The following PPP2R5D variants were observed in gnomAD, a reference collection of about 807,000 sequenced individuals.
PPP2R5D encodes protein phosphatase 2 regulatory subunit B'delta.
Under a neutral mutation model 79.1 loss-of-function variants are expected in PPP2R5D, and 12 were observed. The observed-to-expected ratio is 0.15, with a 90% CI of 0.10 to 0.25. PPP2R5D has a LOEUF of 0.25. Ranked by LOEUF, PPP2R5D falls within the 10% of genes least tolerant of loss-of-function variation. The probability of loss-of-function intolerance (pLI) is 1.00; values close to 1 mark genes in which losing one functional copy is unlikely to be tolerated. For missense variants in PPP2R5D, 419 were observed against 760.2 expected (o/e 0.55, Z 5.28); for synonymous variants, 277 against 286.6 (o/e 0.97, Z 0.34).
rs746587804 is a variant in PPP2R5D, at chr6:43,009,209, C to G, written c.1233C>G (p.Val411=). 2.5e-6 allele frequency: 4 copies of G among 1,614,154 alleles called. No individual in the cohort carries two copies. The highest frequency in any genetic ancestry group is 3.4e-6 in the Non-Finnish European group (4 of 1,180,026). Residue 411 remains valine (V), a synonymous_variant, in exon 11 of 16, where the codon GTC becomes GTG. Coordinates refer to ENST00000485511, the MANE Select transcript of PPP2R5D (RefSeq NM_006245.4). The surrounding 1 kb of genome is among the most constrained non-coding windows in gnomAD (Gnocchi z 5.6). ...EPLFRQLAKC[V]SSPHFQVAER... ...TCTTCCGCCAGCTGGCCAAGTGTGT[C>G]TCTAGCCCCCATTTCCAGGTGAGAC...
chr6:42,993,165 C>A (rs1329092070), intron 2 of PPP2R5D, among the ~76,000 whole-genome samples: 1 of 152,006 alleles, frequency 6.6e-6, no homozygotes, highest in Non-Finnish European at 1.5e-5. Flanking sequence ...GGCGTGGTGG[C>A]ACATGCCTGT....
In PPP2R5D at chr6:43,009,597, A is replaced by T. The variant is rs1762250535; in HGVS notation, c.1379+148A>T. On this transcript the variant is annotated intron_variant, in intron 12 of 15. Coordinates refer to ENST00000485511, the MANE Select transcript of PPP2R5D (RefSeq NM_006245.4). The surrounding 1 kb of genome is among the most constrained non-coding windows in gnomAD (Gnocchi z 5.6). ...ATGTTGATAGGACCTTGAGGGGCTG[A>T]CTGGAGCGAAAAGATGCCTGTGTGC... The T allele has an allele frequency of 1.8e-5, 21 of 1,171,544 alleles. No individual in the cohort carries two copies. The highest frequency in any genetic ancestry group is 2.3e-5 in the Non-Finnish European group (19 of 833,572). 72.6% of individuals were successfully genotyped at this position (1,171,544 alleles called of 1,614,324 possible).
In PPP2R5D at chr6:43,011,166, G is replaced by A. The variant is rs1228218025; in HGVS notation, c.1689G>A (p.Lys563=). 2.5e-6 allele frequency: 4 copies of A among 1,614,160 alleles called. No homozygotes were observed. Among genetic ancestry groups the A allele is most frequent in the Non-Finnish European group, 3.4e-6 (4 of 1,180,010 alleles). The stretch of plus-strand genomic sequence containing the variant: ...ACACACAGATGCTAAAAGACATCAA[G>A]AAGGAGAAAGTGCTGCTGCGGAGGA... The part of the protein sequence containing the change: ...TEAVQMLKDI[K]KEKVLLRRKS... The change falls in exon 16 of 16, where the codon AAG becomes AAA. Residue 563 remains lysine, a synonymous_variant. Coordinates refer to ENST00000485511, the MANE Select transcript of PPP2R5D (RefSeq NM_006245.4).
In PPP2R5D at chr6:43,012,224, G is replaced by A. The variant is rs138349932; in HGVS notation, c.*938G>A. On this transcript the variant is annotated 3_prime_UTR_variant, in exon 16 of 16. Coordinates refer to ENST00000485511, the MANE Select transcript of PPP2R5D (RefSeq NM_006245.4). The stretch of plus-strand genomic sequence containing the variant: ...CAGGTTCCAGGGGCGCAGGCAGTGC[G>A]GCTTTTGGCTGTGTACATAGGGTGC... 1.0e-5 allele frequency: 12 copies of A among 1,180,768 alleles called. No homozygotes were observed. In the East Asian group the frequency reaches 2.4e-4, roughly 23 times the overall value. 73.1% of individuals were successfully genotyped at this position (1,180,768 alleles called of 1,614,324 possible).
chr6:42,984,581 G>T lies in PPP2R5D; in HGVS notation c.-97G>T. The T allele has an allele frequency of 1.4e-6, 2 of 1,469,916 alleles. No homozygotes were observed. The highest frequency in any genetic ancestry group is 1.8e-6 in the Non-Finnish European group (2 of 1,112,714). The allele number at this position is 1,469,916 out of a possible 1,614,324, so 91.1% of individuals were successfully genotyped here. A position where few individuals can be genotyped will look rare whatever the true frequency, so the allele number is the denominator to read the frequency against. ...CGCTCGACCCGGGCGCAGCGCGCAG[G>T]CGGTGGCGAAGAGACGCCGAGCGGG... On this transcript the variant is annotated 5_prime_UTR_variant, in exon 1 of 16. Transcript: ENST00000485511.
chr6:42,984,628 C>A lies in PPP2R5D; in HGVS notation c.-50C>A. The A allele has an allele frequency of 6.4e-7, 1 of 1,567,556 alleles. No individual in the cohort carries two copies. ...CGGGCCGAGTGCGGCCGAGCAAAGC[C>A]GGAGCCGGAGCGGGGCCGCAGGAGA... On this transcript the variant is annotated 5_prime_UTR_variant, in exon 1 of 16. Coordinates refer to ENST00000485511, the MANE Select transcript of PPP2R5D (RefSeq NM_006245.4).
At chr6:43,000,070 G>C (rs891049572) in intron 2 of PPP2R5D, among the ~76,000 whole-genome samples, 6 of 151,866 alleles carry the variant, frequency 4.0e-5, no homozygotes, top group Admixed American at 3.9e-4. Context: ...GGAATAGCTG[G>C]GATTACAGGC....
intron 2 of PPP2R5D, among the ~76,000 whole-genome samples, chr6:43,002,083 G>A (rs1772258606): frequency 6.6e-6 from 1 of 152,020 alleles, no homozygotes; most frequent in African/African-American, 2.4e-5. Flanking sequence ...CTAATAAGTG[G>A]CGAGCCAGGA....
chr6:43,002,781 C>A (rs1474332204), intron 2 of PPP2R5D, among the ~76,000 whole-genome samples: 1 of 152,180 alleles, frequency 6.6e-6, no homozygotes, highest in African/African-American at 2.4e-5. Flanking sequence ...CCTCCCCCAC[C>A]CCAGAGGATT....
chr6:43,009,564 TC>T lies in PPP2R5D; in HGVS notation c.1379+119del, dbSNP rs1762249959. On this transcript the variant is annotated intron_variant, in intron 12 of 15. Coordinates refer to ENST00000485511, the MANE Select transcript of PPP2R5D (RefSeq NM_006245.4). The surrounding 1 kb of genome is among the most constrained non-coding windows in gnomAD (Gnocchi z 5.6). ...AGTCACCCAGCAAGTGGGGCTGATG[TC>T]CCCTGCATGTTGATAGGACCTTGAG... 33 of 1,416,464 alleles carry T rather than the reference TC, an allele frequency of 2.3e-5. 1 individual carries two copies. The South Asian group carries it at 4.0e-4, about 17-fold the overall frequency. The allele number at this position is 1,416,464 out of a possible 1,614,324, so 87.7% of individuals were successfully genotyped here.
Position 43,012,056 on chromosome 6 carries a change from AGAAAG to A in PPP2R5D, c.*771_*775del, listed in dbSNP as rs1368656249. 2 of 347,612 alleles carry A rather than the reference AGAAAG, an allele frequency of 5.8e-6. No homozygotes were observed. Among genetic ancestry groups the A allele is most frequent in the African/African-American group, 4.4e-5 (2 of 45,088 alleles). 21.5% of individuals were successfully genotyped at this position (347,612 alleles called of 1,614,324 possible). On this transcript the variant is annotated 3_prime_UTR_variant, in exon 16 of 16. Coordinates refer to ENST00000485511, the MANE Select transcript of PPP2R5D (RefSeq NM_006245.4). Reference sequence around the variant, plus strand: ...TTCTGTGCTGTTGGTTCCCAAAACTAGAAAGAAGGAAGCAGGGAGCGGTGCCCCAA... The same window carrying A: ...TTCTGTGCTGTTGGTTCCCAAAACTAAAGGAAGCAGGGAGCGGTGCCCCAA...
Position 43,007,838 on chromosome 6 carries a change from G to A in PPP2R5D, c.727-97G>A. The A allele has an allele frequency of 6.7e-7, 1 of 1,491,524 alleles. No individual in the cohort carries two copies. Among genetic ancestry groups the A allele is most frequent in the East Asian group, 2.3e-5 (1 of 43,886 alleles). 92.4% of individuals were successfully genotyped at this position (1,491,524 alleles called of 1,614,324 possible). ...AGACTTGCTGGCCCCCACTCCAGGG[G>A]ACCTCTGCATTTCCCCTGGCGGGAC... On this transcript the variant is annotated intron_variant, in intron 6 of 15. Transcript: ENST00000485511. This position sits in a 1 kb window ranked among gnomAD's most constrained non-coding sequence, Gnocchi z 4.5.
chr6:43,008,178 G>A lies in PPP2R5D; in HGVS notation c.858-23G>A, dbSNP rs1160361623. 6.9e-7 allele frequency: 1 copy of A among 1,449,532 alleles called. No individual in the cohort carries two copies. Among genetic ancestry groups the A allele is most frequent in the African/African-American group, 1.6e-5 (1 of 61,924 alleles). 89.8% of individuals were successfully genotyped at this position (1,449,532 alleles called of 1,614,324 possible). On this transcript the variant is annotated intron_variant, in intron 7 of 15. Transcript: ENST00000485511. This position sits in a 1 kb window ranked among gnomAD's most constrained non-coding sequence, Gnocchi z 4.2. Reference sequence around the variant, plus strand: ...CTGGAGGGACATCAGGGGTTGTCAAGAGAGCCATTTTTCTTCCCTCAGGTT... The same window carrying A: ...CTGGAGGGACATCAGGGGTTGTCAAAAGAGCCATTTTTCTTCCCTCAGGTT...
In PPP2R5D at chr6:43,011,153, TAA is replaced by T. The variant is rs1354992216; in HGVS notation, c.1679_1680del (p.Lys560ArgfsTer91). 6.2e-7 allele frequency: 1 copy of T among 1,614,082 alleles called. No individual in the cohort carries two copies. Among genetic ancestry groups the T allele is most frequent in the Non-Finnish European group, 8.5e-7 (1 of 1,179,994 alleles). On this transcript the variant is annotated frameshift_variant, in exon 16 of 16. Transcript: ENST00000485511. LOFTEE classifies it high-confidence loss of function. ...CTTGTCCCTATTCACACACAGATGCTAAAAGACATCAAGAAGGAGAAAGTGCT... is the reference window on the plus strand; with the variant it reads ...CTTGTCCCTATTCACACACAGATGCTAAGACATCAAGAAGGAGAAAGTGCT...
chr6:42,994,595 G>A (rs949089909), intron 2 of PPP2R5D, among the ~76,000 whole-genome samples: 3 of 151,616 alleles, frequency 2.0e-5, no homozygotes, highest in Non-Finnish European at 4.4e-5. Context: ...ACCTGAGATT[G>A]GGAGTTAGAG....
chr6:43,011,136 T>C lies in PPP2R5D; in HGVS notation c.1672-13T>C. The stretch of plus-strand genomic sequence containing the variant: ...TGGTCACCATTCCTCACCTTGTCCC[T>C]ATTCACACACAGATGCTAAAAGACA... On this transcript the variant is annotated splice_polypyrimidine_tract_variant and intron_variant, in intron 15 of 15. Coordinates refer to ENST00000485511, the MANE Select transcript of PPP2R5D (RefSeq NM_006245.4). 6.2e-7 allele frequency: 1 copy of C among 1,614,120 alleles called. No homozygotes were observed. Among genetic ancestry groups the C allele is most frequent in the Non-Finnish European group, 8.5e-7 (1 of 1,179,990 alleles).
chr6:42,994,419 T>G (rs1005583751), intron 2 of PPP2R5D, among the ~76,000 whole-genome samples: 5 of 152,206 alleles, frequency 3.3e-5, no homozygotes, highest in Admixed American at 6.5e-5. Context: ...GGCTCTAAGA[T>G]TCTAGAAGTG....
chr6:42,998,011 TTATTTATATATATATATATATA>T lies in PPP2R5D; in HGVS notation c.105+8327_105+8348del, dbSNP rs1376030150. On this transcript the variant is annotated intron_variant, in intron 2 of 15. Transcript: ENST00000485511. ...TTATTTATATTTGAATATTTGGGTT[TTATTTATATATATATATATATA>T]TATATATATATATATATATATATAT... 8.4e-3 allele frequency among the ~76,000 whole-genome samples: 610 copies of T among 72,562 alleles called. 15 individuals are homozygous for T. Among genetic ancestry groups the T allele is most frequent in the African/African-American group, 0.029 (336 of 11,768 alleles). The allele number at this position is 72,562 out of a possible 152,430, so 47.6% of individuals were successfully genotyped here. A position where few individuals can be genotyped will look rare whatever the true frequency, so the allele number is the denominator to read the frequency against.
rs747480052 is a variant in PPP2R5D, at chr6:43,011,245, C to T, written c.1768C>T (p.Arg590Trp). 4.3e-6 allele frequency: 7 copies of T among 1,614,052 alleles called. No homozygotes were observed. Among genetic ancestry groups the T allele is most frequent in the South Asian group, 2.2e-5 (2 of 91,080 alleles). ...YTIKALEAHK[R>W]AEEFLTASQE... ...CATCAAGGCACTGGAGGCGCACAAG[C>T]GGGCGGAAGAGTTCCTAACTGCCAG... is the stretch of plus-strand genomic sequence containing the variant. The change falls in exon 16 of 16, where the codon CGG (arginine) becomes TGG (tryptophan). Residue 590 changes from arginine (R) to tryptophan (W), a missense_variant. By Grantham distance (101) the Arg-to-Trp change is moderately radical (BLOSUM62 -3). Transcript: ENST00000485511.
Sources: gnomAD v4.1 joint callset for allele counts (sites outside exome capture counted in the v4.1 genomes callset) on GRCh38, gnomAD v4.1.1 for gene constraint, Gnocchi (gnomAD v3.1) non-coding constraint, MANE v1.5 for transcripts, NCBI Gene and HGNC (gene_info 2026-07-23, HGNC 2026-07-21) for gene names.